Variants in RAB31 observed in about 807,000 individuals in gnomAD.
RAB31 encodes the protein RAB31, member RAS oncogene family.
RAB31 carries 21 observed loss-of-function variants against 25.6 expected under a neutral mutation model. That is an observed-to-expected ratio of 0.82 (90% CI 0.58 to 1.18). The LOEUF is 1.18. Among genes scored for constraint, RAB31 ranks in the 50% most tolerant of loss-of-function variants. The pLI, the probability that RAB31 is intolerant of heterozygous loss-of-function variation, is 0.00. For synonymous variants in RAB31, 87 were observed against 84.0 expected (o/e 1.04, Z -0.20); for missense variants, 196 against 250.1 (o/e 0.78, Z 1.46).
At chr18:9,768,687 G>C (rs960549123) in intron 1 of RAB31, among the ~76,000 whole-genome samples, 9 of 152,130 alleles carry the variant, frequency 5.9e-5, no homozygotes, top group Non-Finnish European at 1.0e-4. Context: ...CTGTGCAGAA[G>C]CTCTTTAGTT....
intron 1 of RAB31, chr18:9,735,002 TG>T (rs1184061988): frequency 1.9e-5 from 4 of 210,576 alleles, no homozygotes; most frequent in Admixed American, 1.5e-4. Context: ...GGTGGTTTTT[TG>T]TTGTCGTCGT....
At chr18:9,790,854 C>G (rs922852328) in intron 2 of RAB31, among the ~76,000 whole-genome samples, 9 of 152,164 alleles carry the variant, frequency 5.9e-5, no homozygotes, top group African/African-American at 2.2e-4. Flanking sequence ...ACCAGGTTGT[C>G]CCACTACTGG....
rs951036112 is a variant in RAB31, at chr18:9,862,277, C to T, written c.*2952C>T. ...GTATTCAGACCGACTGGGTATCTAG[C>T]TTACTGTTTTAACATCATTGTTGAA... On this transcript the variant is annotated 3_prime_UTR_variant, in exon 7 of 7. Transcript: ENST00000578921. 2 of 152,210 alleles carry T rather than the reference C, an allele frequency of 1.3e-5. No homozygotes were observed. The highest frequency in any genetic ancestry group is 2.4e-5 in the African/African-American group (1 of 41,448). 9.4% of individuals were successfully genotyped at this position (152,210 alleles called of 1,614,324 possible).
chr18:9,715,811 C>T (rs1016488668), intron 1 of RAB31, among the ~76,000 whole-genome samples: 11 of 152,226 alleles, frequency 7.2e-5, no homozygotes, highest in South Asian at 4.1e-4. Flanking sequence ...GGATTACAGG[C>T]GTGAGCCACT....
chr18:9,719,298 A>AATATATATAT (rs71168101), intron 1 of RAB31, among the ~76,000 whole-genome samples: 1 of 23,106 alleles, frequency 4.3e-5, no homozygotes, highest in African/African-American at 1.2e-4. Flanking sequence ...AAAAAAAAAA[A>AATATATATAT]ATATATATAT....
intron 2 of RAB31, among the ~76,000 whole-genome samples, chr18:9,782,025 A>G (rs555461574): frequency 6.6e-6 from 1 of 152,346 alleles, no homozygotes; most frequent in South Asian, 2.1e-4. Context: ...CTCTTGAAAA[A>G]TCAGTGGGTT....
chr18:9,778,663 G>A (rs1432838034), intron 2 of RAB31, among the ~76,000 whole-genome samples: 1 of 152,096 alleles, frequency 6.6e-6, no homozygotes, highest in Non-Finnish European at 1.5e-5. Flanking sequence ...TAGGAACGGG[G>A]TTTCACCATG....
chr18:9,824,735 G>A (rs1440851821), intron 5 of RAB31, among the ~76,000 whole-genome samples: 2 of 152,206 alleles, frequency 1.3e-5, no homozygotes, highest in African/African-American at 2.4e-5. Context: ...AGAGGCATCC[G>A]GTCAGGTACA....
At chr18:9,773,440 A>G (rs4798851) in intron 1 of RAB31, among the ~76,000 whole-genome samples, 60,374 of 151,888 alleles carry the variant, frequency 0.4, 12,338 homozygotes, top group East Asian at 0.48. Context: ...TAGTTTTCAG[A>G]ACGCCTCCAC....
chr18:9,770,598 C>T (rs1291421623), intron 1 of RAB31, among the ~76,000 whole-genome samples: 3 of 152,126 alleles, frequency 2.0e-5, no homozygotes, highest in African/African-American at 4.8e-5. Context: ...TCTCTGATAT[C>T]GACTATACAA....
chr18:9,772,907 G>C (rs1233945585), intron 1 of RAB31, among the ~76,000 whole-genome samples: 2 of 152,206 alleles, frequency 1.3e-5, no homozygotes, highest in African/African-American at 2.4e-5. Flanking sequence ...GAGATGAAAA[G>C]AGTTGTGGTT....
chr18:9,844,591 C>T (rs1179698002), intron 5 of RAB31: 3 of 152,274 alleles, frequency 2.0e-5, no homozygotes, highest in African/African-American at 7.2e-5. Context: ...TTCTAAAGCA[C>T]AGGTGCCAGA....
At chr18:9,714,238 G>A (rs1199195746) in intron 1 of RAB31, among the ~76,000 whole-genome samples, 1 of 152,198 alleles carries the variant, frequency 6.6e-6, no homozygotes, top group Non-Finnish European at 1.5e-5. Context: ...TGTGGAAGAC[G>A]ATTTTTCCAC....
At position 9,835,262 on chromosome 18, in the gene RAB31, G is replaced by C. The variant is rs139719773; in HGVS notation, c.381-10320G>C. ...CAAACAGGACCCACAGTACAAACAG[G>C]AACTCCCAAACTGCCCCGAGAGAAA... On this transcript the variant is annotated intron_variant, in intron 5 of 6. Coordinates refer to ENST00000578921, the MANE Select transcript of RAB31 (RefSeq NM_006868.4). Among the ~76,000 whole-genome samples the C allele has an allele frequency of 2.6e-5, 4 of 152,246 alleles. No homozygotes were observed. The East Asian group carries it at 7.7e-4, about 29-fold the overall frequency.
At chr18:9,806,171 C>T (rs577595706) in intron 3 of RAB31, among the ~76,000 whole-genome samples, 29 of 128,380 alleles carry the variant, frequency 2.3e-4, no homozygotes, top group African/African-American at 7.8e-4. Context: ...AGAGAGACTC[C>T]GTCTCAAAAA....
At chr18:9,780,408 A>T (rs776711167) in intron 2 of RAB31, among the ~76,000 whole-genome samples, 2 of 152,198 alleles carry the variant, frequency 1.3e-5, no homozygotes, top group Non-Finnish European at 2.9e-5. Flanking sequence ...TGAAAAAAAC[A>T]TGAGGAAAAA....
At chr18:9,815,249 G>A (rs371754904) in intron 5 of RAB31, 27 bp downstream of exon 5, 35 of 1,451,306 alleles carry the variant, frequency 2.4e-5, no homozygotes, top group Non-Finnish European at 3.2e-5. Context: ...TCTCTTTTGT[G>A]TAGATACTGT....
chr18:9,718,211 A>T (rs2068054008), intron 1 of RAB31, among the ~76,000 whole-genome samples: 1 of 151,650 alleles, frequency 6.6e-6, no homozygotes, highest in Admixed American at 6.6e-5. Flanking sequence ...CATCAATACT[A>T]CGTAGTTAAT....
At chr18:9,851,764 T>C (rs1229355253) in intron 6 of RAB31, among the ~76,000 whole-genome samples, 2 of 152,188 alleles carry the variant, frequency 1.3e-5, no homozygotes, top group Non-Finnish European at 2.9e-5. Context: ...AAATCTTTGT[T>C]TACTGACATA....
Sources: allele counts gnomAD v4.1 joint callset (sites outside exome capture counted in the v4.1 genomes callset), GRCh38; gene constraint gnomAD v4.1.1; transcripts MANE v1.5; gene names NCBI Gene and HGNC (gene_info 2026-07-23, HGNC 2026-07-21).